Variants in LPCAT3 observed in about 807,000 individuals in gnomAD.
The protein encoded by LPCAT3 is lysophospholipid acyltransferase 5.
In LPCAT3, 21 loss-of-function variants were observed where a neutral mutation model predicts 63.4. The observed-to-expected ratio is 0.33, with a 90% CI of 0.23 to 0.48. The LOEUF (loss-of-function observed/expected upper bound fraction) is 0.48, where lower values mean the gene tolerates loss of function less well. Ranked by LOEUF, LPCAT3 falls within the 20% of genes least tolerant of loss-of-function variation. The probability of loss-of-function intolerance (pLI) is 0.99; values close to 1 mark genes in which losing one functional copy is unlikely to be tolerated. For missense variants in LPCAT3, 451 were observed against 590.6 expected, an observed-to-expected ratio of 0.76 and a Z score of 2.45; for synonymous variants, 242 against 227.5, an observed-to-expected ratio of 1.06 and a Z score of -0.58.
At chr12:6,982,983 T>C (rs1555154337) in intron 2 of LPCAT3, 2 of 641,354 alleles carry the variant, frequency 3.1e-6, no homozygotes, top group African/African-American at 1.8e-5. Context: ...TTCTTTTCTT[T>C]TTTTGTTTGT....
At chr12:7,009,721 C>T (rs781896179) in intron 1 of LPCAT3, among the ~76,000 whole-genome samples, 1 of 152,256 alleles carries the variant, frequency 6.6e-6, no homozygotes, top group African/African-American at 2.4e-5. Flanking sequence ...TTATTTAGTC[C>T]TTACAACATC....
intron 1 of LPCAT3, 108 bp from the exon 2 acceptor site, chr12:6,983,647 A>G (rs1946494108): frequency 1.4e-6 from 1 of 705,290 alleles, no homozygotes; most frequent in South Asian, 1.7e-5. Context: ...GAGAGAAAAA[A>G]AAAACAACAT....
intron 1 of LPCAT3, among the ~76,000 whole-genome samples, chr12:7,003,844 C>T (rs1555156703): frequency 6.6e-6 from 1 of 151,208 alleles, no homozygotes; most frequent in African/African-American, 2.4e-5. Context: ...ATGGCGTGAA[C>T]CCGGGAAGCG....
In LPCAT3 at chr12:6,976,224, G is replaced by C. The variant is rs782079879; in HGVS notation, c.*680C>G. On this transcript the variant is annotated 3_prime_UTR_variant, in exon 13 of 13. Transcript: ENST00000261407. ...AACAGAAGTGATTTTATCTAATACA[G>C]TTCCAAGGTAGAAAAAGTGGAGCAG... 1 of 159,750 alleles carries C rather than the reference G, an allele frequency of 6.3e-6. No homozygotes were observed. The highest frequency in any genetic ancestry group is 1.9e-4 in the South Asian group (1 of 5,288). The allele number at this position is 159,750 out of a possible 1,614,324, so 9.9% of individuals were successfully genotyped here. A position where few individuals can be genotyped will look rare whatever the true frequency, so the allele number is the denominator to read the frequency against.
Position 6,977,597 on chromosome 12 carries a change from C to T in LPCAT3, c.1188+1G>A. 6.2e-7 allele frequency: 1 copy of T among 1,614,212 alleles called. No individual in the cohort carries two copies. The highest frequency in any genetic ancestry group is 8.5e-7 in the Non-Finnish European group (1 of 1,180,050). ...CCTTCACCCCCACCCTGGAGGCCTA[C>T]CTGTCTTTCCACAATAACAATGAGG... On this transcript the variant is annotated splice_donor_variant, in intron 10 of 12. Transcript: ENST00000261407. LOFTEE classifies it high-confidence loss of function. This position sits in a 1 kb window ranked among gnomAD's most constrained non-coding sequence, Gnocchi z 4.5.
At chr12:6,993,937 A>G (rs1477854000) in intron 1 of LPCAT3, among the ~76,000 whole-genome samples, 1 of 152,096 alleles carries the variant, frequency 6.6e-6, no homozygotes, top group Non-Finnish European at 1.5e-5. Context: ...TAATCTACCC[A>G]TTCATCAGCT....
rs966930979 is a variant in LPCAT3, at chr12:6,985,504, C to T, written c.152-1965G>A. On this transcript the variant is annotated intron_variant, in intron 1 of 12. Transcript: ENST00000261407. ...TGAGGTGGGTGGATCACTTGAGATCCGGAGTTTGAGACCATACTGGCCAAC... is the reference window on the plus strand; with the variant it reads ...TGAGGTGGGTGGATCACTTGAGATCTGGAGTTTGAGACCATACTGGCCAAC... Among the ~76,000 whole-genome samples the T allele has an allele frequency of 1.1e-4, 16 of 150,994 alleles. No individual in the cohort carries two copies. The East Asian group carries it at 1.8e-3, about 17-fold the overall frequency.
At chr12:6,985,327 C>T (rs888325273) in intron 1 of LPCAT3, among the ~76,000 whole-genome samples, 7 of 151,402 alleles carry the variant, frequency 4.6e-5, no homozygotes, top group Non-Finnish European at 1.0e-4. Flanking sequence ...ACACGGGAGG[C>T]GGAGCTTGCA....
intron 1 of LPCAT3, chr12:7,001,627 T>G (rs1413751048): frequency 4.9e-6 from 2 of 410,118 alleles, no homozygotes; most frequent in Admixed American, 2.8e-5. Flanking sequence ...GTAGGCAGAG[T>G]TGGCTGGGAT....
intron 1 of LPCAT3, among the ~76,000 whole-genome samples, chr12:6,995,629 T>C (rs1026491899): frequency 1.9e-4 from 29 of 152,250 alleles, no homozygotes; most frequent in African/African-American, 6.7e-4. Context: ...GTTAAAACCC[T>C]TATGGATCTC....
intron 1 of LPCAT3, among the ~76,000 whole-genome samples, chr12:6,999,810 A>G (rs2138351975): frequency 6.6e-6 from 1 of 152,278 alleles, no homozygotes; most frequent in South Asian, 2.1e-4. Context: ...TTCTTTGTAA[A>G]TCAGTGAATC....
rs3208066 is a variant in LPCAT3, at chr12:6,982,717, G to A, written c.325C>T (p.Arg109Cys). 3.1e-6 allele frequency: 5 copies of A among 1,614,002 alleles called. No individual in the cohort carries two copies. The highest frequency in any genetic ancestry group is 4.2e-6 in the Non-Finnish European group (5 of 1,179,908). Reference sequence around the variant, plus strand: ...GTAGTGAGGACGGCAGTGATGGTGCGGCCCATTAGTCGAAGGATGAGGAAC... The same window carrying A: ...GTAGTGAGGACGGCAGTGATGGTGCAGCCCATTAGTCGAAGGATGAGGAAC... Reference protein sequence around the residue: ...LQFLILRLMGRTITAVLTTFC... With the variant: ...LQFLILRLMGCTITAVLTTFC... Residue 109 changes from arginine to cysteine, a missense_variant, in exon 3 of 13, where the codon CGC becomes TGC. This residue lies in a region of LPCAT3 where 133 missense variants were observed against 152.1 expected (regional missense o/e 0.87). Coordinates refer to ENST00000261407, the MANE Select transcript of LPCAT3 (RefSeq NM_005768.6).
At position 6,977,385 on chromosome 12, in the gene LPCAT3, C is replaced by T. The variant is rs146704427; in HGVS notation, c.1329G>A (p.Thr443=). 3.8e-5 allele frequency: 61 copies of T among 1,614,050 alleles called. No individual in the cohort carries two copies. The highest frequency in any genetic ancestry group is 3.4e-4 in the South Asian group (31 of 91,088). ...GYSMTAFCLF[T]WDKWLKVYKS... ...CACTTGCCTTAAGCCATTTGTCCCA[C>T]GTGAAGAGGCAGAAGGCAGTCATGG... Residue 443 remains threonine (T), a synonymous_variant, in exon 11 of 13, where the codon ACG becomes ACA. Transcript: ENST00000261407. This position sits in a 1 kb window ranked among gnomAD's most constrained non-coding sequence, Gnocchi z 4.5.
chr12:6,991,047 A>T (rs1367473829), intron 1 of LPCAT3, among the ~76,000 whole-genome samples: 3 of 152,170 alleles, frequency 2.0e-5, no homozygotes, highest in Admixed American at 2.0e-4. Context: ...AATGTAAACC[A>T]CTATATTTCC....
rs1946483839 is a variant in LPCAT3, at chr12:6,982,759, G to T, written c.283C>A (p.Leu95Met). ...NFGNQLYHSL[L>M]CIVLQFLILR... ...ATGAGGAACTGAAGCACAATACACA[G>T]CAGGGAGTGGTAGAGCTGGTTTCCT... The change falls in exon 3 of 13, where the codon CTG (leucine) becomes ATG (methionine). Residue 95 changes from leucine (L) to methionine (M), a missense_variant. Leu to Met is a conservative substitution (Grantham distance 15, BLOSUM62 2). Transcript: ENST00000261407. 6.2e-7 allele frequency: 1 copy of T among 1,613,652 alleles called. No homozygotes were observed. Among genetic ancestry groups the T allele is most frequent in the Non-Finnish European group, 8.5e-7 (1 of 1,179,584 alleles).
rs782167534 is a variant in LPCAT3 at position 6,994,436 on chromosome 12, G to A, written c.152-10897C>T. On this transcript the variant is annotated intron_variant, in intron 1 of 12. Transcript: ENST00000261407. ...TTGGCCAGGCTAGTCTCGAACTCCT[G>A]ACCTCAAGTGATCGACCTGCCTTGG... Among the ~76,000 whole-genome samples, 56 of 152,224 alleles carry A rather than the reference G, an allele frequency of 3.7e-4. 1 individual carries two copies. The highest frequency in any genetic ancestry group is 9.6e-4 in the African/African-American group (40 of 41,520).
intron 1 of LPCAT3, chr12:7,001,320 ATTCTTT>A: frequency 2.5e-6 from 1 of 407,012 alleles, no homozygotes; most frequent in South Asian, 1.8e-5. Context: ...ATATTTTTGT[ATTCTTT>A]TTCTTAAAGA....
chr12:6,976,838 G>C lies in LPCAT3; in HGVS notation c.*66C>G, dbSNP rs781965295. 1 of 256,624 alleles carries C rather than the reference G, an allele frequency of 3.9e-6. No homozygotes were observed. The highest frequency in any genetic ancestry group is 7.6e-6 in the Non-Finnish European group (1 of 131,588). 15.9% of individuals were successfully genotyped at this position (256,624 alleles called of 1,614,324 possible). ...TTCCATTCTCTGCTCTGGGGCAAAG[G>C]AGTGCTGTGAAAAGGGAGACGAGTA... is the stretch of plus-strand genomic sequence containing the variant. On this transcript the variant is annotated 3_prime_UTR_variant, in exon 13 of 13. Coordinates refer to ENST00000261407, the MANE Select transcript of LPCAT3 (RefSeq NM_005768.6).
chr12:6,983,557 TAAG>T lies in LPCAT3; in HGVS notation c.152-21_152-19del, dbSNP rs1489560152. The T allele has an allele frequency of 6.7e-6, 10 of 1,502,100 alleles. No homozygotes were observed. The highest frequency in any genetic ancestry group is 3.4e-5 in the Admixed American group (2 of 59,042). 93.0% of individuals were successfully genotyped at this position (1,502,100 alleles called of 1,614,324 possible). ...GGGGTAACCTAGATGGGGGAAAAGA[TAAG>T]AAGAGTGTTATTTGTGCCTGGTGCC... On this transcript the variant is annotated intron_variant, in intron 1 of 12. Transcript: ENST00000261407.
Sources: allele counts gnomAD v4.1 joint callset (sites outside exome capture counted in the v4.1 genomes callset), GRCh38; gene constraint gnomAD v4.1.1; regional missense constraint gnomAD v4.1.1; non-coding constraint Gnocchi (gnomAD v3.1); transcripts MANE v1.5; gene names NCBI Gene and HGNC (gene_info 2026-07-23, HGNC 2026-07-21).